Variants in ARL8B observed in about 807,000 individuals in gnomAD.
The protein encoded by ARL8B is ARF like GTPase 8B, also known as ADP-ribosylation factor-like protein 8B.
ARL8B carries 9 observed loss-of-function variants against 30.6 expected under a neutral mutation model. The ratio of observed to expected loss-of-function variants is 0.29; its 90% CI spans 0.18 to 0.51. The LOEUF (loss-of-function observed/expected upper bound fraction) is 0.51. ARL8B is among the 20% of genes least tolerant of loss of function. ARL8B has a pLI of 0.97. For synonymous variants in ARL8B, 74 were observed against 76.0 expected, an observed-to-expected ratio of 0.97 and a Z score of 0.14; for missense variants, 130 against 227.2, an observed-to-expected ratio of 0.57 and a Z score of 2.75.
chr3:5,135,112 G>A (rs1358865872), intron 1 of ARL8B, among the ~76,000 whole-genome samples: 1 of 152,070 alleles, frequency 6.6e-6, no homozygotes, highest in African/African-American at 2.4e-5. Context: ...GCCTCCCAAA[G>A]TGTTGGGATT....
At chr3:5,174,150 G>A (rs2054703944) in intron 5 of ARL8B, 66 bp downstream of exon 5, 15 of 1,415,952 alleles carry the variant, frequency 1.1e-5, no homozygotes, top group Non-Finnish European at 1.5e-5. Context: ...CACTTGTTAT[G>A]TTATTCCTAA....
intron 3 of ARL8B, 143 bp downstream of exon 3, chr3:5,172,366 C>T (rs1025371403): frequency 5.3e-6 from 4 of 750,996 alleles, no homozygotes; most frequent in Non-Finnish European, 8.7e-6. Flanking sequence ...TAATTCCCAA[C>T]ATGGGATTTA....
intron 1 of ARL8B, among the ~76,000 whole-genome samples, chr3:5,122,832 T>G (rs1379220216): frequency 6.6e-6 from 1 of 152,118 alleles, no homozygotes; most frequent in African/African-American, 2.4e-5. Flanking sequence ...CCAAGGGCTG[T>G]GTCCTCAACG....
chr3:5,136,820 T>G lies in ARL8B; in HGVS notation c.123+14232T>G, dbSNP rs558123043. On this transcript the variant is annotated intron_variant, in intron 1 of 6. Transcript: ENST00000256496. ...TCTTTGCCTGTGATGCTTGTTTTTG[T>G]CCGCTGGTACTCCTTTCCCCCTAGA... 7.8e-4 allele frequency among the ~76,000 whole-genome samples: 119 copies of G among 152,304 alleles called. 3 individuals are homozygous for G. The highest frequency in any genetic ancestry group is 6.9e-4 in the Non-Finnish European group (47 of 68,030).
intron 1 of ARL8B, among the ~76,000 whole-genome samples, chr3:5,138,250 A>G (rs1281045728): frequency 2.0e-5 from 3 of 151,146 alleles, no homozygotes; most frequent in Admixed American, 6.6e-5. Flanking sequence ...CAACCTCTCA[A>G]TTTATCATGG....
intron 1 of ARL8B, among the ~76,000 whole-genome samples, chr3:5,140,081 G>T (rs1055429148): frequency 6.7e-6 from 1 of 148,788 alleles, no homozygotes; most frequent in Non-Finnish European, 1.5e-5. Flanking sequence ...CTGCCTCCAA[G>T]ATGTGATTAG....
chr3:5,165,935 A>T lies in ARL8B; in HGVS notation c.124-4568A>T, dbSNP rs550999830. Among the ~76,000 whole-genome samples, 4 of 152,298 alleles carry T rather than the reference A, an allele frequency of 2.6e-5. No individual in the cohort carries two copies. The South Asian group carries it at 8.3e-4, about 32-fold the overall frequency. On this transcript the variant is annotated intron_variant, in intron 1 of 6. Coordinates refer to ENST00000256496, the MANE Select transcript of ARL8B (RefSeq NM_018184.3). ...CACTGTGTTCTTTCCAGTGTCAGAT[A>T]TCACTGTTTACAAGTAGTCAGTGCA...
At chr3:5,140,609 A>C (rs2054365104) in intron 1 of ARL8B, among the ~76,000 whole-genome samples, 1 of 150,570 alleles carries the variant, frequency 6.6e-6, no homozygotes, top group Non-Finnish European at 1.5e-5. Context: ...CTCTCTAGTG[A>C]ATGTTGGAGC....
At chr3:5,156,429 T>C (rs1241606040) in intron 1 of ARL8B, among the ~76,000 whole-genome samples, 3 of 151,866 alleles carry the variant, frequency 2.0e-5, no homozygotes, top group South Asian at 4.2e-4. Context: ...TTTGGTTTTG[T>C]TTTTTGAGAC....
chr3:5,176,948 A>T (rs1463685812), intron 6 of ARL8B, among the ~76,000 whole-genome samples: 1 of 152,228 alleles, frequency 6.6e-6, no homozygotes, highest in East Asian at 1.9e-4. Flanking sequence ...GTAGCTAAAC[A>T]TACTATAACC....
intron 1 of ARL8B, among the ~76,000 whole-genome samples, chr3:5,168,707 A>G (rs1358605880): frequency 2.6e-5 from 4 of 152,208 alleles, no homozygotes; most frequent in Admixed American, 1.3e-4. Flanking sequence ...TGCAATAGAT[A>G]AACTGACCCA....
At chr3:5,134,888 C>A (rs1442723293) in intron 1 of ARL8B, among the ~76,000 whole-genome samples, 1 of 152,220 alleles carries the variant, frequency 6.6e-6, no homozygotes, top group Non-Finnish European at 1.5e-5. Flanking sequence ...CGCTCTGTCT[C>A]CCAGGCTGGA....
At chr3:5,178,532 TA>T in intron 6 of ARL8B, 131 bp from the exon 7 acceptor site, 1 of 722,608 alleles carries the variant, frequency 1.4e-6, no homozygotes, top group Non-Finnish European at 2.2e-6. Flanking sequence ...TGGAGTATGG[TA>T]ATGCAGATGC....
intron 1 of ARL8B, among the ~76,000 whole-genome samples, chr3:5,127,234 G>C (rs191064579): frequency 6.6e-6 from 1 of 152,340 alleles, no homozygotes; most frequent in Admixed American, 6.5e-5. Flanking sequence ...ATTCGTAGCA[G>C]AGATAGAATT....
At position 5,169,305 on chromosome 3, in the gene ARL8B, TTGTGTGTGTGTGTGTGTGTGTG is replaced by T. The variant is rs10575722; in HGVS notation, c.124-1181_124-1160del. Among the ~76,000 whole-genome samples the T allele has an allele frequency of 9.8e-5, 14 of 142,980 alleles. No homozygotes were observed. The East Asian group carries it at 2.0e-3, about 21-fold the overall frequency. The allele number at this position is 142,980 out of a possible 152,430, so 93.8% of individuals were successfully genotyped here. On this transcript the variant is annotated intron_variant, in intron 1 of 6. Coordinates refer to ENST00000256496, the MANE Select transcript of ARL8B (RefSeq NM_018184.3). ...TACCTCATAAAGTGAAATACAGTGT[TTGTGTGTGTGTGTGTGTGTGTG>T]TGTGTGTGTGTGTGTGAGTGTGTGA...
At chr3:5,178,573 G>C (rs2054750997) in intron 6 of ARL8B, 91 bp from the exon 7 acceptor site, 4 of 1,250,034 alleles carry the variant, frequency 3.2e-6, no homozygotes, top group Non-Finnish European at 4.5e-6. Context: ...GGCATAGTGT[G>C]TGCCTTGAAT....
chr3:5,168,827 G>A lies in ARL8B; in HGVS notation c.124-1676G>A, dbSNP rs113625769. ...CCATGCAAGCTAGTTGTAAAGTTTG[G>A]TACCTAAAAATTTTAGCTACTATTT... On this transcript the variant is annotated intron_variant, in intron 1 of 6. Coordinates refer to ENST00000256496, the MANE Select transcript of ARL8B (RefSeq NM_018184.3). Among the ~76,000 whole-genome samples, 642 of 152,248 alleles carry A rather than the reference G, an allele frequency of 4.2e-3. 5 individuals carry two copies. Among genetic ancestry groups the A allele is most frequent in the African/African-American group, 0.015 (612 of 41,540 alleles).
At chr3:5,163,741 G>C (rs1425460122) in intron 1 of ARL8B, among the ~76,000 whole-genome samples, 2 of 152,068 alleles carry the variant, frequency 1.3e-5, no homozygotes, top group Non-Finnish European at 2.9e-5. Context: ...ATGGTGGCAC[G>C]CGCGTGTAAT....
intron 1 of ARL8B, among the ~76,000 whole-genome samples, chr3:5,125,439 C>T (rs1452037302): frequency 1.3e-5 from 2 of 151,842 alleles, no homozygotes; most frequent in Admixed American, 6.6e-5. Context: ...ATGTGTTCCC[C>T]CCTGCCCCGC....
Sources: allele counts gnomAD v4.1 joint callset (sites outside exome capture counted in the v4.1 genomes callset), GRCh38; gene constraint gnomAD v4.1.1; transcripts MANE v1.5; gene names NCBI Gene and HGNC (gene_info 2026-07-23, HGNC 2026-07-21).